Variants in GALC observed in about 807,000 individuals in gnomAD.
GALC encodes galactosylceramidase.
GALC carries 77 observed loss-of-function variants against 91.8 expected under a neutral mutation model. The observed-to-expected ratio is 0.84, with a 90% CI of 0.70 to 1.01. The LOEUF is 1.01. GALC is among the 50% of genes least tolerant of loss of function. GALC has a pLI of 0.00. For synonymous variants in GALC, 357 were observed against 306.7 expected (o/e 1.16, Z -1.71); for missense variants, 882 against 855.9 (o/e 1.03, Z -0.38).
rs1376330702 is a variant in GALC at position 87,953,279 on chromosome 14, G to A, written c.1162-2531C>T. ...GCTCAAAAGAAAGATAAAGGGCGGA[G>A]TCCTATAAATAAAGGGAATGTAAAC... On this transcript the variant is annotated intron_variant, in intron 10 of 16. Transcript: ENST00000261304. 15 of 1,490,714 alleles carry A rather than the reference G, an allele frequency of 1.0e-5. No individual in the cohort carries two copies. In the South Asian group the frequency reaches 1.4e-4, roughly 13 times the overall value. The allele number at this position is 1,490,714 out of a possible 1,614,324, so 92.3% of individuals were successfully genotyped here.
Position 87,982,215 on chromosome 14 carries a change from T to C in GALC, c.611A>G (p.Asn204Ser). The change falls in exon 6 of 17, where the codon AAT becomes AGT. Residue 204 changes from asparagine to serine, a missense_variant. Transcript: ENST00000261304. Reference sequence around the variant, plus strand: ...TAAAGTTGTACACACCTTAATATAATTGGCATTATATGACCTCTCATTCCA... The same window carrying C: ...TAAAGTTGTACACACCTTAATATAACTGGCATTATATGACCTCTCATTCCA... ...GIWNERSYNA[N>S]YIKILRKMLN... is the part of the protein sequence containing the mutation. 3 of 1,571,024 alleles carry C rather than the reference T, an allele frequency of 1.9e-6. No homozygotes were observed. Among genetic ancestry groups the C allele is most frequent in the Non-Finnish European group, 1.8e-6 (2 of 1,141,862 alleles).
In GALC at chr14:87,935,984, C is replaced by T. The variant is rs542917520; in HGVS notation, c.1912-1106G>A. Among the ~76,000 whole-genome samples, 105 of 152,086 alleles carry T rather than the reference C, an allele frequency of 6.9e-4. 1 individual carries two copies. Among genetic ancestry groups the T allele is most frequent in the African/African-American group, 2.3e-3 (95 of 41,522 alleles). Reference sequence around the variant, plus strand: ...CTGAACATCTTCTGCTGCCATCAAACACTCAATATTAACACCGAGCCAAGG... The same window carrying T: ...CTGAACATCTTCTGCTGCCATCAAATACTCAATATTAACACCGAGCCAAGG... On this transcript the variant is annotated intron_variant, in intron 16 of 16. Transcript: ENST00000261304.
intron 7 of GALC, among the ~76,000 whole-genome samples, chr14:87,973,007 T>C (rs74073735): frequency 0.021 from 2,535 of 119,796 alleles, 65 homozygotes; most frequent in African/African-American, 0.074. Flanking sequence ...AAAAATATTC[T>C]TTGGGCATAA....
At chr14:87,963,567 T>C in intron 9 of GALC, 56 bp from the exon 10 acceptor site, 2 of 1,494,990 alleles carry the variant, frequency 1.3e-6, no homozygotes, top group Non-Finnish European at 1.8e-6. Flanking sequence ...TAGTATTTCT[T>C]TTGGGAAAAA....
chr14:87,956,941 T>G lies in GALC; in HGVS notation c.1162-6193A>C, dbSNP rs747636347. On this transcript the variant is annotated intron_variant, in intron 10 of 16. Transcript: ENST00000261304. ...TGCCAACATCTATTGTTTTTTGATG[T>G]TTCTTAATGGCCATTCTGGCTGGAG... 3.7e-4 allele frequency among the ~76,000 whole-genome samples: 57 copies of G among 152,150 alleles called. 2 individuals carry two copies. Among genetic ancestry groups the G allele is most frequent in the Non-Finnish European group, 1.0e-4 (7 of 68,024 alleles).
chr14:87,985,715 T>C (rs1886940997), intron 4 of GALC, among the ~76,000 whole-genome samples: 1 of 152,358 alleles, frequency 6.6e-6, no homozygotes, highest in Admixed American at 6.5e-5. Flanking sequence ...TTTAACTTAG[T>C]TTGAATTTAA....
chr14:87,993,640 G>A (rs1887340785), upstream of GALC: 3 of 629,892 alleles, frequency 4.8e-6, no homozygotes, highest in South Asian at 5.8e-5. Flanking sequence ...GCAGAGTGAG[G>A]GACTGAGAGA....
At chr14:87,986,431 A>G in intron 4 of GALC, 58 bp downstream of exon 4, 1 of 1,068,308 alleles carries the variant, frequency 9.4e-7, no homozygotes, top group East Asian at 2.4e-5. Flanking sequence ...AACACGATTC[A>G]GAATTTAAAA....
intron 10 of GALC, chr14:87,954,602 C>T: frequency 6.3e-7 from 1 of 1,589,400 alleles, no homozygotes; most frequent in Non-Finnish European, 8.6e-7. Flanking sequence ...AAAAAGTGCA[C>T]CTTCCTTTTG....
rs1365128831 is a variant in GALC at position 87,950,666 on chromosome 14, C to T, written c.1244G>A (p.Gly415Glu). 5 of 1,574,232 alleles carry T rather than the reference C, an allele frequency of 3.2e-6. No homozygotes were observed. The highest frequency in any genetic ancestry group is 2.3e-5 in the East Asian group (1 of 44,432). ...TTAAACATATTTACTTACAAAAGAT[C>T]CCTTAAGAACAAAGGTGGCAAATTG... Reference protein sequence around the residue: ...SQQFATFVLKGSFSEIPELQV... With the variant: ...SQQFATFVLKESFSEIPELQV... Residue 415 changes from glycine to glutamate, a missense_variant, in exon 11 of 17, where the codon GGA becomes GAA. Coordinates refer to ENST00000261304, the MANE Select transcript of GALC (RefSeq NM_000153.4).
chr14:87,953,132 G>T, intron 10 of GALC: 2 of 1,486,534 alleles, frequency 1.3e-6, no homozygotes, highest in Non-Finnish European at 9.3e-7. Context: ...TATTTTCCTT[G>T]AACACAGTAG....
chr14:87,971,950 G>A (rs1177760018), intron 7 of GALC, among the ~76,000 whole-genome samples: 2 of 152,106 alleles, frequency 1.3e-5, no homozygotes, highest in African/African-American at 4.8e-5. Flanking sequence ...TCACTAAGAA[G>A]AATGGGGCCC....
chr14:87,962,041 T>C (rs1885827562), intron 10 of GALC, among the ~76,000 whole-genome samples: 1 of 152,190 alleles, frequency 6.6e-6, no homozygotes, highest in Non-Finnish European at 1.5e-5. Flanking sequence ...TGTCTCATTT[T>C]GTGTACTGAG....
At chr14:87,971,516 A>G (rs908344773) in intron 7 of GALC, among the ~76,000 whole-genome samples, 1 of 152,202 alleles carries the variant, frequency 6.6e-6, no homozygotes, top group Non-Finnish European at 1.5e-5. Context: ...AAAACCAGCA[A>G]AGGTCTTTAC....
intron 12 of GALC, among the ~76,000 whole-genome samples, chr14:87,948,376 T>C (rs1488006089): frequency 2.6e-5 from 4 of 152,108 alleles, no homozygotes; most frequent in Non-Finnish European, 5.9e-5. Context: ...GTTAGGCTTA[T>C]GTCACACTTA....
At chr14:87,982,492 A>G (rs1182317891) in intron 5 of GALC, among the ~76,000 whole-genome samples, 3 of 152,208 alleles carry the variant, frequency 2.0e-5, no homozygotes, top group African/African-American at 4.8e-5. Context: ...AATTTATTCC[A>G]AAGATTTTCA....
intron 10 of GALC, among the ~76,000 whole-genome samples, chr14:87,958,244 A>C (rs958491982): frequency 6.6e-6 from 1 of 152,198 alleles, no homozygotes; most frequent in African/African-American, 2.4e-5. Flanking sequence ...GAACAAAAGG[A>C]GAAAGGGAAC....
rs781717305 is a variant in GALC at position 87,982,257 on chromosome 14, A to T, written c.583-14T>A. 3.9e-6 allele frequency: 6 copies of T among 1,552,644 alleles called. No individual in the cohort carries two copies. The African/African-American group carries it at 4.1e-5, about 11-fold the overall frequency. On this transcript the variant is annotated splice_polypyrimidine_tract_variant and intron_variant, in intron 5 of 16. Transcript: ENST00000261304. ...CTCATTCCAAATCTGCAAAACAAAAAGTCAAAAAAGTCTGAATTGAAAGTT... is the reference window on the plus strand; with the variant it reads ...CTCATTCCAAATCTGCAAAACAAAATGTCAAAAAAGTCTGAATTGAAAGTT...
intron 10 of GALC, chr14:87,954,035 A>G: frequency 6.2e-7 from 1 of 1,609,878 alleles, no homozygotes; most frequent in Non-Finnish European, 8.5e-7. Flanking sequence ...ATGAGGACCA[A>G]TGGGTTGGCG....
Sources: allele counts gnomAD v4.1 joint callset (sites outside exome capture counted in the v4.1 genomes callset), GRCh38; gene constraint gnomAD v4.1.1; transcripts MANE v1.5; gene names NCBI Gene and HGNC (gene_info 2026-07-23, HGNC 2026-07-21).